The following BUB1B variants were observed in gnomAD, a reference collection of about 807,000 sequenced individuals.
BUB1B encodes BUB1 mitotic checkpoint serine/threonine kinase B.
BUB1B carries 86 observed loss-of-function variants against 137.7 expected under a neutral mutation model. That is an observed-to-expected ratio of 0.62 (90% CI 0.52 to 0.75). The LOEUF (loss-of-function observed/expected upper bound fraction) is 0.75, where lower values mean the gene tolerates loss of function less well. Among genes scored for constraint, BUB1B ranks in the 30% least tolerant of loss-of-function variants. BUB1B has a pLI of 0.00. For synonymous variants in BUB1B, 420 were observed against 417.9 expected, an observed-to-expected ratio of 1.00 and a Z score of -0.06; for missense variants, 1,130 against 1,236.9, an observed-to-expected ratio of 0.91 and a Z score of 1.30.
chr15:40,187,309 G>T (rs2037379392), intron 8 of BUB1B, among the ~76,000 whole-genome samples: 1 of 151,996 alleles, frequency 6.6e-6, no homozygotes, highest in Non-Finnish European at 1.5e-5. Flanking sequence ...CTATTTTTTA[G>T]TAGAGACGGG....
At position 40,161,216 on chromosome 15, in the gene BUB1B, G is replaced by A. The variant is rs2037038991; in HGVS notation, c.-5G>A. The stretch of plus-strand genomic sequence containing the variant: ...CAGGACGAGGACCTGAGCCAGGAAT[G>A]CAGGATGGCGGCGGTGAAGAAGGAA... On this transcript the variant is annotated 5_prime_UTR_variant, in exon 1 of 23. An upstream start codon of the reference 5' UTR is lost. Transcript: ENST00000287598. 6.2e-7 allele frequency: 1 copy of A among 1,613,376 alleles called. No homozygotes were observed. The highest frequency in any genetic ancestry group is 1.1e-5 in the South Asian group (1 of 90,902).
At chr15:40,180,414 C>T (rs866329146) in intron 5 of BUB1B, among the ~76,000 whole-genome samples, 3 of 151,276 alleles carry the variant, frequency 2.0e-5, no homozygotes, top group African/African-American at 7.3e-5. Flanking sequence ...TATAGGCATG[C>T]GCCACCACAC....
intron 8 of BUB1B, among the ~76,000 whole-genome samples, chr15:40,195,578 T>C (rs1463404006): frequency 6.6e-6 from 1 of 152,224 alleles, no homozygotes; most frequent in Admixed American, 6.5e-5. Flanking sequence ...ATAGTGGTTG[T>C]ACGAGTTTAC....
At chr15:40,199,513 G>C (rs186574896) in intron 9 of BUB1B, 102 bp from the exon 10 acceptor site, 10 of 829,924 alleles carry the variant, frequency 1.2e-5, no homozygotes, top group Admixed American at 1.2e-4. Flanking sequence ...ATTTTCATCT[G>C]TATTAGTAAC....
chr15:40,209,894 G>A (rs2037689009), intron 17 of BUB1B, 119 bp downstream of exon 17: 4 of 1,296,992 alleles, frequency 3.1e-6, no homozygotes, highest in Non-Finnish European at 4.4e-6. Flanking sequence ...TTTTAAAAAA[G>A]CAATATAGAG....
rs191661308 is a variant in BUB1B, at chr15:40,214,429, T to C, written c.2678+955T>C. On this transcript the variant is annotated intron_variant, in intron 20 of 22. Transcript: ENST00000287598. Reference sequence around the variant, plus strand: ...GACTACTATATTCTTTTAGTGATCATTGGTGTTATAGTATTTGAGTAAAAG... The same window carrying C: ...GACTACTATATTCTTTTAGTGATCACTGGTGTTATAGTATTTGAGTAAAAG... 5.9e-5 allele frequency among the ~76,000 whole-genome samples: 9 copies of C among 152,310 alleles called. No homozygotes were observed. The East Asian group carries it at 1.7e-3, about 29-fold the overall frequency.
At chr15:40,183,983 G>A in intron 6 of BUB1B, 100 bp downstream of exon 6, 8 of 1,288,358 alleles carry the variant, frequency 6.2e-6, no homozygotes, top group Non-Finnish European at 8.8e-6. Flanking sequence ...CTTCTAGTTT[G>A]CTGAATACTG....
chr15:40,206,490 G>T (rs1331095205), intron 15 of BUB1B, 32 bp downstream of exon 15: 2 of 1,613,364 alleles, frequency 1.2e-6, no homozygotes. Context: ...TTACAAACCA[G>T]ATTGTTTACT....
At chr15:40,216,571 ATTTTTT>A (rs71426368) in intron 20 of BUB1B, among the ~76,000 whole-genome samples, 61 of 83,036 alleles carry the variant, frequency 7.3e-4, no homozygotes, top group African/African-American at 1.7e-3. Flanking sequence ...ATATATATAT[ATTTTTT>A]TTTTTTTTTA....
rs566826994 is a variant in BUB1B at position 40,184,312 on chromosome 15, CTTTT to C, written c.751+439_751+442del. Among the ~76,000 whole-genome samples the C allele has an allele frequency of 2.8e-5, 4 of 144,658 alleles. No individual in the cohort carries two copies. The Admixed American group carries it at 2.8e-4, about 10-fold the overall frequency. The allele number at this position is 144,658 out of a possible 152,430, so 94.9% of individuals were successfully genotyped here. Reference sequence around the variant, plus strand: ...AATAATTTTTTTTAATTAACATGGACTTTTTTTTTTTTTGAGAGATAGGTTCTCG... The same window carrying C: ...AATAATTTTTTTTAATTAACATGGACTTTTTTTTTGAGAGATAGGTTCTCG... On this transcript the variant is annotated intron_variant, in intron 6 of 22. Transcript: ENST00000287598.
At chr15:40,207,814 A>C (rs949561877) in intron 15 of BUB1B, among the ~76,000 whole-genome samples, 5 of 151,650 alleles carry the variant, frequency 3.3e-5, no homozygotes, top group Non-Finnish European at 5.9e-5. Flanking sequence ...AGGTGGGAGG[A>C]TCACTTGAGG....
Position 40,185,225 on chromosome 15 carries a change from G to C in BUB1B, c.812G>C (p.Arg271Thr). ...CCTCAACAGATGCAAAATAATAGTAGAATTACTGTTTTTGATGAAAATGCT... is the reference window on the plus strand; with the variant it reads ...CCTCAACAGATGCAAAATAATAGTACAATTACTGTTTTTGATGAAAATGCT... The part of the protein sequence containing the change: ...PFPQQMQNNS[R>T]ITVFDENADE... Residue 271 changes from arginine to threonine, a missense_variant, in exon 7 of 23, where the codon AGA becomes ACA. Arg to Thr is a moderately conservative substitution (Grantham distance 71, BLOSUM62 -1). Transcript: ENST00000287598. 6.2e-7 allele frequency: 1 copy of C among 1,614,108 alleles called. No homozygotes were observed. Among genetic ancestry groups the C allele is most frequent in the Non-Finnish European group, 8.5e-7 (1 of 1,180,002 alleles).
In BUB1B at chr15:40,183,870, A is replaced by C; in HGVS notation, c.738A>C (p.Gly246=). 1 of 1,614,098 alleles carries C rather than the reference A, an allele frequency of 6.2e-7. No homozygotes were observed. Among genetic ancestry groups the C allele is most frequent in the Non-Finnish European group, 8.5e-7 (1 of 1,179,938 alleles). Residue 246 remains glycine (G), a synonymous_variant, in exon 6 of 23, where the codon GGA becomes GGC. Coordinates refer to ENST00000287598, the MANE Select transcript of BUB1B (RefSeq NM_001211.6). ...CAAGAGCTCCAATCATCCGTGTAGG[A>C]GGTGCTCTCAAGGGTAAGTTTGTTA... ...KTARAPIIRV[G]GALKAPSQNR...
At chr15:40,202,781 C>T in intron 14 of BUB1B, 87 bp downstream of exon 14, 1 of 1,167,570 alleles carries the variant, frequency 8.6e-7, no homozygotes, top group Non-Finnish European at 1.3e-6. Flanking sequence ...AAATTGAAAC[C>T]ACTGACTTGA....
At chr15:40,180,247 GTTTCTT>G (rs1441021788) in intron 5 of BUB1B, among the ~76,000 whole-genome samples, 6 of 108,846 alleles carry the variant, frequency 5.5e-5, no homozygotes, top group Non-Finnish European at 7.0e-5. Flanking sequence ...TCAACGTTTC[GTTTCTT>G]TTTTTTTTTT....
chr15:40,202,379 T>G (rs1336419460), intron 12 of BUB1B, 26 bp from the exon 13 acceptor site: 1 of 1,553,832 alleles, frequency 6.4e-7, no homozygotes, highest in South Asian at 1.1e-5. Flanking sequence ...ACTCCTAGAG[T>G]ATGTATCTAG....
intron 15 of BUB1B, 117 bp downstream of exon 15, chr15:40,206,575 A>G: frequency 1.5e-6 from 2 of 1,310,018 alleles, no homozygotes; most frequent in Admixed American, 1.8e-5. Flanking sequence ...TACTGTGCTA[A>G]GTGCTTTACA....
chr15:40,181,410 A>G (rs1013792276), intron 5 of BUB1B, among the ~76,000 whole-genome samples: 1 of 152,152 alleles, frequency 6.6e-6, no homozygotes, highest in Non-Finnish European at 1.5e-5. Context: ...TTTTCTTTAC[A>G]TTTAATCTGG....
chr15:40,178,083 T>A (rs2037243139), intron 5 of BUB1B, among the ~76,000 whole-genome samples: 1 of 151,930 alleles, frequency 6.6e-6, no homozygotes, highest in South Asian at 2.1e-4. Flanking sequence ...TTAATTTTAT[T>A]TCTGCACTTT....
Sources: gnomAD v4.1 joint callset for allele counts (sites outside exome capture counted in the v4.1 genomes callset) on GRCh38, gnomAD v4.1.1 for gene constraint, MANE v1.5 for transcripts, NCBI Gene and HGNC (gene_info 2026-07-23, HGNC 2026-07-21) for gene names.